SLC31A1: variants seen among roughly 807,000 people sequenced by gnomAD.
SLC31A1 encodes the protein solute carrier family 31 member 1, also known as high affinity copper uptake protein 1.
Under a neutral mutation model 17.2 loss-of-function variants are expected in SLC31A1, and 5 were observed. The ratio of observed to expected loss-of-function variants is 0.29; its 90% CI spans 0.15 to 0.61. The LOEUF is 0.61. Ranked by LOEUF, SLC31A1 falls within the 20% of genes least tolerant of loss-of-function variation. The pLI, the probability that SLC31A1 is intolerant of heterozygous loss-of-function variation, is 0.86. For missense variants in SLC31A1, 161 were observed against 241.4 expected (o/e 0.67, Z 2.21); for synonymous variants, 76 against 78.8 (o/e 0.96, Z 0.19).
chr9:113,249,298 CAAAA>C (rs56013452), intron 1 of SLC31A1, among the ~76,000 whole-genome samples: 5 of 118,040 alleles, frequency 4.2e-5, no homozygotes, highest in Admixed American at 8.7e-5. Flanking sequence ...CCTCAATTGG[CAAAA>C]AAAAAAAAAA....
chr9:113,251,125 A>T (rs1480155149), intron 1 of SLC31A1, among the ~76,000 whole-genome samples: 1 of 152,180 alleles, frequency 6.6e-6, no homozygotes, highest in Non-Finnish European at 1.5e-5. Flanking sequence ...CTTCTTTACA[A>T]ATAATTTGTA....
At chr9:113,259,235 C>T (rs991197884) in intron 4 of SLC31A1, among the ~76,000 whole-genome samples, 1 of 152,174 alleles carries the variant, frequency 6.6e-6, no homozygotes, top group Non-Finnish European at 1.5e-5. Flanking sequence ...CAGCCCTGTC[C>T]TCTTTTTCTT....
chr9:113,252,296 A>G (rs1020012092), intron 1 of SLC31A1, among the ~76,000 whole-genome samples: 3 of 152,156 alleles, frequency 2.0e-5, no homozygotes, highest in African/African-American at 7.2e-5. Context: ...TTGTGGTACT[A>G]TAGTCCTGCT....
At chr9:113,245,470 G>C (rs551015447) in intron 1 of SLC31A1, among the ~76,000 whole-genome samples, 2 of 152,192 alleles carry the variant, frequency 1.3e-5, no homozygotes, top group African/African-American at 4.8e-5. Context: ...AGTTAATTTG[G>C]AATAGGAATA....
At chr9:113,226,108 C>T (rs1282031524) in intron 1 of SLC31A1, among the ~76,000 whole-genome samples, 3 of 150,466 alleles carry the variant, frequency 2.0e-5, no homozygotes, top group Admixed American at 2.0e-4. Context: ...TGTGCGCCAA[C>T]CTGGGCGACA....
chr9:113,236,309 G>A (rs948516355), intron 1 of SLC31A1, among the ~76,000 whole-genome samples: 10 of 151,242 alleles, frequency 6.6e-5, no homozygotes, highest in East Asian at 4.0e-4. Context: ...AGTGCATTTC[G>A]ACAAGTCAAG....
Position 113,232,835 on chromosome 9 carries a change from A to T in SLC31A1, c.-36+11157A>T, listed in dbSNP as rs561730040. On this transcript the variant is annotated intron_variant, in intron 1 of 4. Transcript: ENST00000374212. ...CTCCAGCCTGGGTGACGAGAGTGAA[A>T]CTCTGTCTCAAAAAAAAAAGAACAG... Among the ~76,000 whole-genome samples the T allele has an allele frequency of 8.6e-5, 13 of 151,998 alleles. No homozygotes were observed. In the East Asian group the frequency reaches 2.1e-3, roughly 25 times the overall value.
In SLC31A1 at chr9:113,260,457, C is replaced by T. The variant is rs1258622324; in HGVS notation, c.557C>T (p.Thr186Ile). ...AAGAAGGCAGTGGTAGTGGATATCA[C>T]AGAGCATTGCCATTGACATCAAACT... ...SWKKAVVVDI[T>I]EHCH Residue 186 changes from threonine to isoleucine, a missense_variant, in exon 5 of 5, where the codon ACA (threonine) becomes ATA (isoleucine). Physicochemically the swap from Thr to Ile is moderately conservative, Grantham distance 89. Coordinates refer to ENST00000374212, the MANE Select transcript of SLC31A1 (RefSeq NM_001859.4). 6.2e-7 allele frequency: 1 copy of T among 1,613,620 alleles called. No individual in the cohort carries two copies. The highest frequency in any genetic ancestry group is 1.3e-5 in the African/African-American group (1 of 74,910).
At chr9:113,259,014 T>C (rs947173221) in intron 4 of SLC31A1, 152 bp downstream of exon 4, 28 of 796,964 alleles carry the variant, frequency 3.5e-5, no homozygotes, top group South Asian at 5.8e-5. Context: ...GGTTTGTAGG[T>C]CATGAGCAGG....
At chr9:113,223,302 T>C (rs1377813608) in intron 1 of SLC31A1, 3 of 439,424 alleles carry the variant, frequency 6.8e-6, no homozygotes, top group East Asian at 7.2e-5. Context: ...CTTGCCAGGC[T>C]TTGAACTGCA....
intron 1 of SLC31A1, among the ~76,000 whole-genome samples, chr9:113,222,754 A>C (rs1341512437): frequency 6.6e-6 from 1 of 152,212 alleles, no homozygotes; most frequent in Non-Finnish European, 1.5e-5. Context: ...CTGGAACTAG[A>C]ATCTAAGGAC....
rs568204983 is a variant in SLC31A1 at position 113,238,490 on chromosome 9, G to A, written c.-36+16812G>A. ...AAATCTGGATTTTAAGGCTGGGTGC[G>A]GTGGTTCACACCTTAAATCCCAGCA... On this transcript the variant is annotated intron_variant, in intron 1 of 4. Transcript: ENST00000374212. Among the ~76,000 whole-genome samples the A allele has an allele frequency of 1.6e-3, 250 of 152,270 alleles. 1 individual carries two copies. Among genetic ancestry groups the A allele is most frequent in the African/African-American group, 5.5e-3 (229 of 41,542 alleles).
intron 1 of SLC31A1, chr9:113,255,780 G>A (rs569679137): frequency 2.9e-5 from 5 of 170,908 alleles, no homozygotes; most frequent in East Asian, 3.1e-4. Flanking sequence ...CTATTAGCAC[G>A]AGTTCTTTCT....
chr9:113,241,107 C>G (rs1831517168), intron 1 of SLC31A1, among the ~76,000 whole-genome samples: 1 of 149,342 alleles, frequency 6.7e-6, no homozygotes, highest in African/African-American at 2.5e-5. Flanking sequence ...TTCAGTGGAA[C>G]ATATGAATGT....
intron 1 of SLC31A1, among the ~76,000 whole-genome samples, chr9:113,243,388 G>A (rs1831541309): frequency 6.6e-6 from 1 of 152,192 alleles, no homozygotes; most frequent in African/African-American, 2.4e-5. Context: ...TTCAATGGCT[G>A]TATAATTCAT....
intron 1 of SLC31A1, among the ~76,000 whole-genome samples, chr9:113,231,858 T>C (rs1369816889): frequency 6.6e-6 from 1 of 152,240 alleles, no homozygotes; most frequent in African/African-American, 2.4e-5. Context: ...GTACTCATAG[T>C]ATCTCTGTGG....
intron 1 of SLC31A1, among the ~76,000 whole-genome samples, chr9:113,224,575 T>C (rs1831320351): frequency 6.6e-6 from 1 of 152,108 alleles, no homozygotes; most frequent in Non-Finnish European, 1.5e-5. Flanking sequence ...ATTACAGGCA[T>C]GTGCCACCAT....
At chr9:113,240,752 C>T (rs1275623422) in intron 1 of SLC31A1, among the ~76,000 whole-genome samples, 3 of 152,132 alleles carry the variant, frequency 2.0e-5, no homozygotes, top group South Asian at 2.1e-4. Flanking sequence ...TGTCAAAATG[C>T]TGAATTTTAT....
chr9:113,224,929 C>A (rs1009216843), intron 1 of SLC31A1, among the ~76,000 whole-genome samples: 2 of 152,218 alleles, frequency 1.3e-5, no homozygotes, highest in Admixed American at 6.5e-5. Flanking sequence ...GTATCCATTT[C>A]TAGGTTTCTT....
Sources: allele counts gnomAD v4.1 joint callset (sites outside exome capture counted in the v4.1 genomes callset), GRCh38; gene constraint gnomAD v4.1.1; transcripts MANE v1.5; gene names NCBI Gene and HGNC (gene_info 2026-07-23, HGNC 2026-07-21).